Variants in RANBP17 observed in about 807,000 individuals in gnomAD.
RANBP17 encodes RAN binding protein 17, also known as ran-binding protein 17.
RANBP17 carries 158 observed loss-of-function variants against 141.2 expected under a neutral mutation model. The ratio of observed to expected loss-of-function variants is 1.12; its 90% CI spans 0.98 to 1.28. The LOEUF (loss-of-function observed/expected upper bound fraction) is 1.28. Ranked by LOEUF, RANBP17 falls within the 50% of genes most tolerant of loss-of-function variation. The pLI is 0.00. For synonymous variants in RANBP17, 430 were observed against 450.0 expected, an observed-to-expected ratio of 0.96 and a Z score of 0.56; for missense variants, 1,438 against 1,290.7, an observed-to-expected ratio of 1.11 and a Z score of -1.75.
chr5:170,910,977 C>T lies in RANBP17; in HGVS notation c.603C>T (p.Ala201=), dbSNP rs1405053894. 1.2e-6 allele frequency: 2 copies of T among 1,610,056 alleles called. No individual in the cohort carries two copies. The highest frequency in any genetic ancestry group is 1.7e-6 in the Non-Finnish European group (2 of 1,178,106). The change falls in exon 7 of 28, where the codon GCC becomes GCT. Residue 201 remains alanine, a synonymous_variant. Coordinates refer to ENST00000523189, the MANE Select transcript of RANBP17 (RefSeq NM_022897.5). ...LACSLLKEVF[A]KPLNLQDQCQ... is the part of the protein sequence containing the mutation. ...TTTTGTACTTTTTTCAGGTGTTTGCCAAACCTTTAAATCTTCAGGATCAAT... is the reference window on the plus strand; with the variant it reads ...TTTTGTACTTTTTTCAGGTGTTTGCTAAACCTTTAAATCTTCAGGATCAAT...
chr5:171,039,180 T>A (rs1271498204), intron 14 of RANBP17, among the ~76,000 whole-genome samples: 3 of 152,068 alleles, frequency 2.0e-5, no homozygotes, highest in Non-Finnish European at 4.4e-5. Context: ...TGAACTAATT[T>A]ATCTTCCTAC....
intron 1 of RANBP17, among the ~76,000 whole-genome samples, chr5:170,864,423 A>G (rs796184639): frequency 3.9e-5 from 6 of 152,272 alleles, no homozygotes; most frequent in South Asian, 2.1e-4. Context: ...ACTTTCCCCA[A>G]TGTCTCAAGC....
At position 171,248,210 on chromosome 5, in the gene RANBP17, C is replaced by CA. The variant is rs372229531; in HGVS notation, c.2776+5397dup. 2.0e-3 allele frequency among the ~76,000 whole-genome samples: 309 copies of CA among 151,842 alleles called. 2 individuals carry two copies. Among genetic ancestry groups the CA allele is most frequent in the African/African-American group, 7.2e-3 (298 of 41,424 alleles). On this transcript the variant is annotated intron_variant, in intron 24 of 27. Transcript: ENST00000523189. ...TGAAACCTCGTCTCTACTAAAAATACAAAAAAATTAGCTGGGCGTGGTGGC... is the reference window on the plus strand; with the variant it reads ...TGAAACCTCGTCTCTACTAAAAATACAAAAAAAATTAGCTGGGCGTGGTGGC...
chr5:170,965,322 C>A (rs1241259708), intron 13 of RANBP17, among the ~76,000 whole-genome samples: 1 of 150,550 alleles, frequency 6.6e-6, no homozygotes, highest in African/African-American at 2.4e-5. Flanking sequence ...GAGTAGGTTG[C>A]GAAAATTTTC....
At chr5:171,164,071 C>T (rs1433100648) in intron 14 of RANBP17, among the ~76,000 whole-genome samples, 3 of 152,078 alleles carry the variant, frequency 2.0e-5, no homozygotes, top group East Asian at 3.8e-4. Flanking sequence ...CTTATTTGCA[C>T]AGAATGAGAG....
chr5:170,903,756 A>G (rs536900488), intron 5 of RANBP17: 1 of 329,810 alleles, frequency 3.0e-6, no homozygotes, highest in Non-Finnish European at 6.2e-6. Context: ...GTTGGGTACA[A>G]CTGTAGACGA....
chr5:171,294,269 C>T (rs1045041922), intron 26 of RANBP17, among the ~76,000 whole-genome samples: 1 of 152,210 alleles, frequency 6.6e-6, no homozygotes, highest in African/African-American at 2.4e-5. Context: ...CCTCACTCCA[C>T]TCCCCTGATT....
chr5:171,091,432 A>G (rs973661274), intron 14 of RANBP17, among the ~76,000 whole-genome samples: 13 of 152,248 alleles, frequency 8.5e-5, no homozygotes, highest in Non-Finnish European at 5.9e-5. Flanking sequence ...TTACAGGCTC[A>G]TAGGCAGAAG....
At chr5:171,041,493 G>A (rs924456837) in intron 14 of RANBP17, among the ~76,000 whole-genome samples, 2 of 152,076 alleles carry the variant, frequency 1.3e-5, no homozygotes, top group African/African-American at 2.4e-5. Flanking sequence ...AACAACAAGA[G>A]TATGTTCTAA....
At chr5:170,914,302 A>AT in intron 8 of RANBP17, 62 bp downstream of exon 8, 1 of 1,035,124 alleles carries the variant, frequency 9.7e-7, no homozygotes, top group Non-Finnish European at 1.5e-6. Context: ...GGTGGTATAT[A>AT]TTTACTTCAA....
intron 16 of RANBP17, among the ~76,000 whole-genome samples, chr5:171,178,176 C>A: frequency 7.2e-6 from 1 of 139,574 alleles, no homozygotes; most frequent in Non-Finnish European, 1.6e-5. Flanking sequence ...CCCTACCCCC[C>A]CACCCCCCGA....
At chr5:171,052,282 G>T (rs1290527096) in intron 14 of RANBP17, among the ~76,000 whole-genome samples, 1 of 151,940 alleles carries the variant, frequency 6.6e-6, no homozygotes. Flanking sequence ...TCTATTCTTT[G>T]GTTGCTTGTG....
intron 24 of RANBP17, among the ~76,000 whole-genome samples, chr5:171,247,348 G>T (rs941538164): frequency 2.6e-5 from 4 of 152,160 alleles, no homozygotes; most frequent in African/African-American, 7.2e-5. Context: ...TGGGCCCTGT[G>T]TCATCAAGAA....
intron 24 of RANBP17, among the ~76,000 whole-genome samples, chr5:171,251,355 C>T (rs1283389358): frequency 1.3e-5 from 2 of 152,054 alleles, no homozygotes; most frequent in African/African-American, 4.8e-5. Context: ...GCTGGAATTA[C>T]AGGCATGAGC....
chr5:170,975,612 C>A (rs1216346800), intron 14 of RANBP17, among the ~76,000 whole-genome samples: 1 of 152,156 alleles, frequency 6.6e-6, no homozygotes, highest in African/African-American at 2.4e-5. Context: ...AGGACACAAA[C>A]AATTCTTCTA....
At chr5:171,178,418 C>G (rs963581320) in intron 16 of RANBP17, among the ~76,000 whole-genome samples, 7 of 152,074 alleles carry the variant, frequency 4.6e-5, no homozygotes, top group Non-Finnish European at 5.9e-5. Flanking sequence ...TCCGGTCTAT[C>G]ATTGATGGGC....
chr5:171,243,479 A>G (rs1765014260), intron 24 of RANBP17, among the ~76,000 whole-genome samples: 1 of 152,214 alleles, frequency 6.6e-6, no homozygotes, highest in Admixed American at 6.5e-5. Context: ...GCTATTATGA[A>G]CATTCCTATA....
chr5:170,993,957 T>G (rs949243798), intron 14 of RANBP17, among the ~76,000 whole-genome samples: 14 of 152,100 alleles, frequency 9.2e-5, no homozygotes, highest in Non-Finnish European at 1.9e-4. Flanking sequence ...CTTGGAAATT[T>G]ATAATGCATA....
At chr5:171,184,110 A>C (rs1317549654) in intron 18 of RANBP17, among the ~76,000 whole-genome samples, 2 of 152,246 alleles carry the variant, frequency 1.3e-5, no homozygotes, top group Non-Finnish European at 2.9e-5. Context: ...TGTACAATCC[A>C]GCAATCCTAC....
Sources: allele counts gnomAD v4.1 joint callset (sites outside exome capture counted in the v4.1 genomes callset), GRCh38; gene constraint gnomAD v4.1.1; transcripts MANE v1.5; gene names NCBI Gene and HGNC (gene_info 2026-07-23, HGNC 2026-07-21).